The following RSRP1 variants were observed in gnomAD, a reference collection of about 807,000 sequenced individuals.
RSRP1 encodes arginine and serine rich protein 1.
In RSRP1, 37 loss-of-function variants were observed where a neutral mutation model predicts 33.0. The ratio of observed to expected loss-of-function variants is 1.12; its 90% confidence interval spans 0.86 to 1.48. RSRP1 has a LOEUF of 1.48. Among genes scored for constraint, RSRP1 ranks in the 40% most tolerant of loss-of-function variants. The probability of loss-of-function intolerance (pLI) is 0.00; values close to 1 mark genes in which losing one functional copy is unlikely to be tolerated. For missense variants in RSRP1, 402 were observed against 385.3 expected, an observed-to-expected ratio of 1.04 and a Z score of -0.36; for synonymous variants, 167 against 158.7, an observed-to-expected ratio of 1.05 and a Z score of -0.40.
rs1160446870 is a variant in RSRP1, at chr1:25,261,398, ATTTC to A, written c.-66-14373_-66-14370del. 2.2e-3 allele frequency among the ~76,000 whole-genome samples: 323 copies of A among 148,562 alleles called. 3 individuals carry two copies. The highest frequency in any genetic ancestry group is 0.019 in the Admixed American group (279 of 14,928). On this transcript the variant is annotated intron_variant, in intron 1 of 1. Transcript: ENST00000561867. The stretch of plus-strand genomic sequence containing the variant: ...AAGACTTTGCTCTGAGAAAAATGTG[ATTTC>A]TTTCTTTTTTTTTTTTTTTTGAGAC...
chr1:25,270,977 C>T, intron 1 of RSRP1, among the ~76,000 whole-genome samples: 1 of 129,814 alleles, frequency 7.7e-6, no homozygotes, highest in East Asian at 2.0e-4. Context: ...ATATATTGTA[C>T]ATGCTGTTAT....
chr1:25,330,172 T>C (rs1487935979), intron 1 of RSRP1: 2 of 132,716 alleles, frequency 1.5e-5, no homozygotes, highest in African/African-American at 5.1e-5. Context: ...GATTATATTA[T>C]TGTTTTCTAC....
chr1:25,252,056 A>G (rs1351513044), upstream of RSRP1, among the ~76,000 whole-genome samples: 1 of 150,222 alleles, frequency 6.7e-6, no homozygotes, highest in East Asian at 1.9e-4. Context: ...ACGCCTGGCT[A>G]ATTTTTGTTG....
rs774209147 is a variant in RSRP1, at chr1:25,272,706, A to G, written c.-66-25677T>C. 1.9e-5 allele frequency: 26 copies of G among 1,385,690 alleles called. 7 individuals are homozygous for G. The highest frequency in any genetic ancestry group is 4.2e-5 in the African/African-American group (3 of 71,270). The allele number at this position is 1,385,690 out of a possible 1,614,324, so 85.8% of individuals were successfully genotyped here. A position where few individuals can be genotyped will look rare whatever the true frequency, so the allele number is the denominator to read the frequency against. On this transcript the variant is annotated intron_variant, in intron 1 of 1. Coordinates refer to the RSRP1 transcript ENST00000561867. ...TGGCATCCTATCAAGGTGAGAGTTC[A>G]TTGGAAAAGTGGTCACAGGAGCAAA...
At chr1:25,308,550 T>C (rs535247682) in intron 1 of RSRP1, among the ~76,000 whole-genome samples, 1 of 132,176 alleles carries the variant, frequency 7.6e-6, no homozygotes, top group East Asian at 2.0e-4. Context: ...TTGGTAGCAC[T>C]TGCAATTTCT....
At position 25,243,602 on chromosome 1, in the gene RSRP1, C is replaced by T. The variant is rs1470151962; in HGVS notation, c.704G>A (p.Arg235Gln). 2 of 1,613,656 alleles carry T rather than the reference C, an allele frequency of 1.2e-6. No homozygotes were observed. The highest frequency in any genetic ancestry group is 1.7e-6 in the Non-Finnish European group (2 of 1,179,768). The change falls in exon 4 of 5, where the codon CGA becomes CAA. Residue 235 changes from arginine (R) to glutamine (Q), a missense_variant. Coordinates refer to ENST00000243189, the MANE Select transcript of RSRP1 (RefSeq NM_020317.5). ...CTGGGTAGGTTTTTCATTGGGATTTCGAGTTCCATCTTCTGTTACCTTTTC... is the reference window on the plus strand; with the variant it reads ...CTGGGTAGGTTTTTCATTGGGATTTTGAGTTCCATCTTCTGTTACCTTTTC... ...LSEKVTEDGT[R>Q]NPNEKPTQQR...
At position 25,246,631 on chromosome 1, in the gene RSRP1, G is replaced by C. The variant is rs773753185; in HGVS notation, c.333C>G (p.Tyr111Ter). The C allele has an allele frequency of 3.7e-6, 6 of 1,613,954 alleles. No individual in the cohort carries two copies. In the East Asian group the frequency reaches 1.3e-4, roughly 36 times the overall value. Residue 111 changes from tyrosine to a stop codon, truncating the protein, a stop_gained, in exon 2 of 5, where the codon TAC becomes TAG. Coordinates refer to ENST00000243189, the MANE Select transcript of RSRP1 (RefSeq NM_020317.5). LOFTEE classifies it high-confidence loss of function. ...TRRYYRSPSR[Y>*]RSRSRSRSRS... is the part of the protein sequence containing the mutation. ...GCGACCTGCTACGGGACCGGGACCG[G>C]TACCGCGAAGGAGACCGGTAGTATC...
chr1:25,312,952 A>AAAAC (rs1644242628), intron 1 of RSRP1, among the ~76,000 whole-genome samples: 1 of 110,976 alleles, frequency 9.0e-6, no homozygotes, highest in Non-Finnish European at 2.1e-5. Flanking sequence ...AAAAAAAAAA[A>AAAAC]AAACTTTAGT....
chr1:25,307,335 A>G (rs1417858190), intron 1 of RSRP1, among the ~76,000 whole-genome samples: 1 of 131,374 alleles, frequency 7.6e-6, no homozygotes, highest in Non-Finnish European at 1.8e-5. Context: ...GTGGACAGCA[A>G]TGGTCAGTTT....
upstream of RSRP1, chr1:25,248,176 C>T (rs1284675859): frequency 1.3e-5 from 2 of 152,150 alleles, no homozygotes; most frequent in Non-Finnish European, 2.9e-5. Flanking sequence ...TCAAAACTGA[C>T]CTTTAATCTG....
chr1:25,270,956 TAA>T (rs1196579947), intron 1 of RSRP1, among the ~76,000 whole-genome samples: 1 of 130,412 alleles, frequency 7.7e-6, no homozygotes, highest in Admixed American at 7.5e-5. Context: ...TATTATTTTA[TAA>T]GAGTGGGAAT....
intron 1 of RSRP1, among the ~76,000 whole-genome samples, chr1:25,322,616 TGATCTGA>T (rs1163862107): frequency 7.6e-6 from 1 of 130,848 alleles, no homozygotes; most frequent in African/African-American, 2.6e-5. Flanking sequence ...AAGTTTGCAG[TGATCTGA>T]GATCATGCCA....
intron 3 of RSRP1, chr1:25,244,538 T>C (rs746568430): frequency 3.1e-6 from 4 of 1,289,158 alleles, no homozygotes; most frequent in South Asian, 1.2e-5. Flanking sequence ...ATACTGTATA[T>C]GCTGAGTACA....
At chr1:25,258,573 C>G (rs1294003495) in intron 1 of RSRP1, among the ~76,000 whole-genome samples, 1 of 152,174 alleles carries the variant, frequency 6.6e-6, no homozygotes, top group Non-Finnish European at 1.5e-5. Flanking sequence ...TCAAAGCTAT[C>G]TGAGGTTTCT....
rs1640641599 is a variant in RSRP1, at chr1:25,273,193, T to G, written c.-66-26164A>C. Among the ~76,000 whole-genome samples the G allele has an allele frequency of 1.5e-5, 2 of 129,454 alleles. 1 individual carries two copies. The highest frequency in any genetic ancestry group is 1.5e-4 in the Admixed American group (2 of 13,196). 84.9% of individuals were successfully genotyped at this position (129,454 alleles called of 152,430 possible). On this transcript the variant is annotated intron_variant, in intron 1 of 1. Transcript: ENST00000561867. ...CTCTGTTGCCCAGGCTGAAGTGCAGTGGCATGATCATGGTTCACTGCAGCC... is the reference window on the plus strand; with the variant it reads ...CTCTGTTGCCCAGGCTGAAGTGCAGGGGCATGATCATGGTTCACTGCAGCC...
At chr1:25,248,065 A>T (rs1294052925), upstream of RSRP1, 1 of 152,352 alleles carries the variant, frequency 6.6e-6, no homozygotes, top group Non-Finnish European at 1.5e-5. Context: ...CTCCCCCGGA[A>T]CACCCCAAGA....
chr1:25,263,552 G>A (rs1209835475), intron 1 of RSRP1, among the ~76,000 whole-genome samples: 2 of 151,908 alleles, frequency 1.3e-5, no homozygotes, highest in Non-Finnish European at 2.9e-5. Flanking sequence ...AACAGCACGG[G>A]TAAGACCTGT....
intron 1 of RSRP1, among the ~76,000 whole-genome samples, chr1:25,278,900 G>T (rs553432898): frequency 7.8e-6 from 1 of 128,444 alleles, no homozygotes; most frequent in African/African-American, 2.7e-5. Flanking sequence ...AGGAGGTGGC[G>T]GCCTCCTGAG....
rs1644745451 is a variant in RSRP1 at position 25,322,174 on chromosome 1, G to C, written c.-67+15804C>G. On this transcript the variant is annotated intron_variant, in intron 1 of 1. Coordinates refer to the RSRP1 transcript ENST00000561867. Reference sequence around the variant, plus strand: ...AGGTGGTAAAGGTCACCATTTCCCTGATACCTCAAATTCATTCAGAGTCAG... The same window carrying C: ...AGGTGGTAAAGGTCACCATTTCCCTCATACCTCAAATTCATTCAGAGTCAG... Among the ~76,000 whole-genome samples the C allele has an allele frequency of 1.5e-5, 2 of 131,470 alleles. 1 individual carries two copies. The allele number at this position is 131,470 out of a possible 152,430, so 86.2% of individuals were successfully genotyped here. A position where few individuals can be genotyped will look rare whatever the true frequency, so the allele number is the denominator to read the frequency against.
Sources: gnomAD v4.1 joint callset for allele counts (sites outside exome capture counted in the v4.1 genomes callset) on GRCh38, gnomAD v4.1.1 for gene constraint, MANE v1.5 for transcripts, NCBI Gene and HGNC (gene_info 2026-07-23, HGNC 2026-07-21) for gene names.